TBC1D20: variants seen among roughly 807,000 people sequenced by gnomAD.
The protein encoded by TBC1D20 is chromosome 20 open reading frame 140.
In TBC1D20, 12 loss-of-function variants were observed where a neutral mutation model predicts 41.6. The ratio of observed to expected loss-of-function variants is 0.29; its 90% CI spans 0.18 to 0.47. The LOEUF (loss-of-function observed/expected upper bound fraction) is 0.47, where lower values mean the gene tolerates loss of function less well. Ranked by LOEUF, TBC1D20 falls within the 20% of genes least tolerant of loss-of-function variation. TBC1D20 has a pLI of 1.00. For synonymous variants in TBC1D20, 205 were observed against 204.8 expected (o/e 1.00, Z -0.01); for missense variants, 421 against 517.4 (o/e 0.81, Z 1.81).
At chr20:444,024 G>A (rs1332973282) in intron 3 of TBC1D20, among the ~76,000 whole-genome samples, 1 of 151,994 alleles carries the variant, frequency 6.6e-6, no homozygotes, top group African/African-American at 2.4e-5. Context: ...CCAGCTACTT[G>A]GGAGGCTGAG....
Position 438,841 on chromosome 20 carries a change from C to T in TBC1D20, c.957G>A (p.Arg319=). 6.2e-7 allele frequency: 1 copy of T among 1,611,936 alleles called. No individual in the cohort carries two copies. Among genetic ancestry groups the T allele is most frequent in the Non-Finnish European group, 8.5e-7 (1 of 1,178,238 alleles). Residue 319 remains arginine (R), a splice_region_variant and synonymous_variant, in exon 8 of 8, where the codon AGG becomes AGA. Coordinates refer to ENST00000354200, the MANE Select transcript of TBC1D20 (RefSeq NM_144628.4). The part of the protein sequence containing the change: ...REAAAQQQAE[R]TAASTFKDFE... ...AGTCTTTGAAAGTAGAGGCTGCCGTCCTGCAGGGGAAAGAGACGGAAGGAA... is the reference window on the plus strand; with the variant it reads ...AGTCTTTGAAAGTAGAGGCTGCCGTTCTGCAGGGGAAAGAGACGGAAGGAA...
chr20:445,428 T>A (rs1214914517), intron 2 of TBC1D20, among the ~76,000 whole-genome samples: 1 of 152,206 alleles, frequency 6.6e-6, no homozygotes, highest in African/African-American at 2.4e-5. Flanking sequence ...AGAAGGCCAC[T>A]GTGCATCACT....
At chr20:446,121 C>T (rs2017326858) in intron 2 of TBC1D20, among the ~76,000 whole-genome samples, 1 of 152,276 alleles carries the variant, frequency 6.6e-6, no homozygotes, top group Admixed American at 6.5e-5. Context: ...GAATCCTCAG[C>T]ACTTGGCATT....
intron 1 of TBC1D20, among the ~76,000 whole-genome samples, chr20:459,411 T>C (rs1257757462): frequency 6.6e-6 from 1 of 152,196 alleles, no homozygotes. Context: ...CCAATTTCTT[T>C]ATTGCCCCAC....
At chr20:445,560 G>A (rs2017316213) in intron 2 of TBC1D20, among the ~76,000 whole-genome samples, 1 of 152,158 alleles carries the variant, frequency 6.6e-6, no homozygotes, top group Admixed American at 6.5e-5. Context: ...ATAAAGTTGT[G>A]GGAGCACTAA....
In TBC1D20 at chr20:438,618, C is replaced by T. The variant is rs1306919142; in HGVS notation, c.1180G>A (p.Ala394Thr). 1 of 1,614,096 alleles carries T rather than the reference C, an allele frequency of 6.2e-7. No individual in the cohort carries two copies. Among genetic ancestry groups the T allele is most frequent in the African/African-American group, 1.3e-5 (1 of 74,934 alleles). Residue 394 changes from alanine to threonine, a missense_variant, in exon 8 of 8, where the codon GCC becomes ACC. Physicochemically the swap from Ala to Thr is moderately conservative, Grantham distance 58. This residue lies in a region of TBC1D20 where 161 missense variants were observed against 182.7 expected (regional missense o/e 0.88). Transcript: ENST00000354200. The stretch of plus-strand genomic sequence containing the variant: ...AACAGCTGCAGCTGAAACTTAGGGG[C>T]CCATTCCAGGGCACTTTTCACCACA... ...LAVVKSALEW[A>T]PKFQLQLFP
chr20:448,792 G>A (rs2017387115), intron 1 of TBC1D20, among the ~76,000 whole-genome samples: 2 of 151,546 alleles, frequency 1.3e-5, no homozygotes, highest in African/African-American at 4.8e-5. Context: ...CAAACAGCTG[G>A]GACTACAGGT....
intron 1 of TBC1D20, among the ~76,000 whole-genome samples, chr20:453,652 T>C (rs2017491591): frequency 7.1e-6 from 1 of 141,528 alleles, no homozygotes; most frequent in South Asian, 2.4e-4. Context: ...TTCAAGTGAT[T>C]CTCCTGCCTC....
intron 1 of TBC1D20, among the ~76,000 whole-genome samples, chr20:449,363 G>C (rs1175615079): frequency 6.6e-6 from 1 of 150,682 alleles, no homozygotes; most frequent in Non-Finnish European, 1.5e-5. Flanking sequence ...TTGGGAGGCC[G>C]AAGTGGGCAG....
chr20:452,391 G>T (rs527451820), intron 1 of TBC1D20, among the ~76,000 whole-genome samples: 2 of 152,202 alleles, frequency 1.3e-5, no homozygotes, highest in African/African-American at 4.8e-5. Flanking sequence ...TGCTGTGGAG[G>T]GCCAAGGTGT....
chr20:457,888 G>A (rs2017569097), intron 1 of TBC1D20, among the ~76,000 whole-genome samples: 1 of 152,140 alleles, frequency 6.6e-6, no homozygotes, highest in African/African-American at 2.4e-5. Context: ...TAACATCGGT[G>A]GAGGCAAACC....
chr20:450,482 A>AC (rs1259896356), intron 1 of TBC1D20, among the ~76,000 whole-genome samples: 2 of 152,106 alleles, frequency 1.3e-5, no homozygotes, highest in Non-Finnish European at 2.9e-5. Flanking sequence ...GTCAAAGGGT[A>AC]CTTGGGTTTC....
At chr20:440,138 A>C (rs2017199360) in intron 6 of TBC1D20, 110 bp downstream of exon 6, 1 of 1,379,596 alleles carries the variant, frequency 7.2e-7, no homozygotes, top group Non-Finnish European at 9.8e-7. Context: ...CAGCCTGGGA[A>C]GTGCTGTCTT....
intron 1 of TBC1D20, 23 bp downstream of exon 1, chr20:462,313 G>T: frequency 7.8e-7 from 1 of 1,277,248 alleles, no homozygotes; most frequent in Non-Finnish European, 1.0e-6. Context: ...GGCCGCTCCC[G>T]GCGCCCCGGT....
intron 1 of TBC1D20, among the ~76,000 whole-genome samples, chr20:453,010 G>A (rs1025742794): frequency 1.4e-4 from 21 of 151,654 alleles, no homozygotes; most frequent in Admixed American, 9.9e-4. Flanking sequence ...TTAGCCGGGC[G>A]TGGTGGCACA....
Position 442,020 on chromosome 20 carries a change from C to T in TBC1D20, c.361G>A (p.Gly121Arg), listed in dbSNP as rs745413574. 4 of 1,613,254 alleles carry T rather than the reference C, an allele frequency of 2.5e-6. No individual in the cohort carries two copies. In the South Asian group the frequency reaches 4.4e-5, roughly 18 times the overall value. ...ATGTCAATCAGTTCTTCCTGGAGCC[C>T]TTCTCTCTGTTCCTCTGGCATGCCT... ...PPGMPEEQREGLQEELIDIIL... is the reference protein window; with the variant it reads ...PPGMPEEQRERLQEELIDIIL... The change falls in exon 4 of 8, where the codon GGG becomes AGG. Residue 121 changes from glycine to arginine, a missense_variant. Gly to Arg is a moderately radical substitution (Grantham distance 125, BLOSUM62 -2). Transcript: ENST00000354200.
In TBC1D20 at chr20:436,587, C is replaced by G. The variant is rs1005777366; in HGVS notation, c.*1999G>C. ...CAGTATTTACAAACAGGCTTGAGTA[C>G]TTGTGGAAGGAGGGGCAGCTGGTGC... On this transcript the variant is annotated 3_prime_UTR_variant, in exon 8 of 8. Transcript: ENST00000354200. 1 of 153,708 alleles carries G rather than the reference C, an allele frequency of 6.5e-6. No homozygotes were observed. Among genetic ancestry groups the G allele is most frequent in the Non-Finnish European group, 1.5e-5 (1 of 68,056 alleles). 9.5% of individuals were successfully genotyped at this position (153,708 alleles called of 1,614,324 possible).
chr20:459,569 C>T (rs187513478), intron 1 of TBC1D20, among the ~76,000 whole-genome samples: 81 of 152,270 alleles, frequency 5.3e-4, no homozygotes, highest in Non-Finnish European at 9.7e-4. Context: ...ATCCCTGATG[C>T]CTGAAAAGTA....
intron 1 of TBC1D20, among the ~76,000 whole-genome samples, chr20:458,154 G>T (rs1298500008): frequency 6.6e-6 from 1 of 151,912 alleles, no homozygotes; most frequent in Non-Finnish European, 1.5e-5. Flanking sequence ...CGGCAATCTG[G>T]GAGAAAGGAA....
Sources: allele counts gnomAD v4.1 joint callset (sites outside exome capture counted in the v4.1 genomes callset), GRCh38; gene constraint gnomAD v4.1.1; regional missense constraint gnomAD v4.1.1; transcripts MANE v1.5; gene names NCBI Gene and HGNC (gene_info 2026-07-23, HGNC 2026-07-21).